The following PTGFRN variants were observed in gnomAD, a reference collection of about 807,000 sequenced individuals.
The protein encoded by PTGFRN is prostaglandin F2 receptor negative regulator.
PTGFRN carries 35 observed loss-of-function variants against 83.2 expected under a neutral mutation model. That is an observed-to-expected ratio of 0.42 (90% CI 0.32 to 0.56). PTGFRN has a LOEUF of 0.56. Among genes scored for constraint, PTGFRN ranks in the 20% least tolerant of loss-of-function variants. The probability of loss-of-function intolerance (pLI) is 0.11; values close to 1 mark genes in which losing one functional copy is unlikely to be tolerated. For missense variants in PTGFRN, 1,051 were observed against 1,179.5 expected (o/e 0.89, Z 1.60); for synonymous variants, 519 against 498.6 (o/e 1.04, Z -0.55).
At chr1:116,955,315 G>A (rs1278939919) in intron 4 of PTGFRN, among the ~76,000 whole-genome samples, 1 of 152,168 alleles carries the variant, frequency 6.6e-6, no homozygotes, top group African/African-American at 2.4e-5. Context: ...CTGTGAGAGG[G>A]CTTACAGTGT....
At chr1:116,982,787 C>T (rs1651356352) in intron 7 of PTGFRN, among the ~76,000 whole-genome samples, 1 of 152,202 alleles carries the variant, frequency 6.6e-6, no homozygotes, top group African/African-American at 2.4e-5. Context: ...AGTCATTGTC[C>T]ACAGGCTGAG....
Position 116,967,282 on chromosome 1 carries a change from G to A in PTGFRN, c.2011G>A (p.Ala671Thr). 6.2e-7 allele frequency: 1 copy of A among 1,614,222 alleles called. No homozygotes were observed. The highest frequency in any genetic ancestry group is 8.5e-7 in the Non-Finnish European group (1 of 1,180,020). Residue 671 changes from alanine (A) to threonine (T), a missense_variant, in exon 6 of 9, where the codon GCA becomes ACA. Coordinates refer to ENST00000393203, the MANE Select transcript of PTGFRN (RefSeq NM_020440.4). ...SPVRGSLWRE[A>T]ATSLSNPIEI... ...TGTCAGGGGCAGCCTTTGGCGAGAA[G>A]CAGCAACCAGTCTCTCCAATCCTAT...
rs761027287 is a variant in PTGFRN at position 116,944,967 on chromosome 1, G to T, written c.707G>T (p.Arg236Leu). Reference protein sequence around the residue: ...GSDAYRLSVSRALSADQGSYR... With the variant: ...GSDAYRLSVSLALSADQGSYR... ...GACGCCTACCGCCTCTCAGTGTCCCGGGCTCTGTCTGCCGACCAGGGCTCC... is the reference window on the plus strand; with the variant it reads ...GACGCCTACCGCCTCTCAGTGTCCCTGGCTCTGTCTGCCGACCAGGGCTCC... Residue 236 changes from arginine (R) to leucine (L), a missense_variant, in exon 3 of 9, where the codon CGG becomes CTG. Arg to Leu is a moderately radical substitution (Grantham distance 102). This residue lies in a region of PTGFRN where 205 missense variants were observed against 174.5 expected (regional missense o/e 1.17). Transcript: ENST00000393203. 2 of 1,613,554 alleles carry T rather than the reference G, an allele frequency of 1.2e-6. No individual in the cohort carries two copies. Among genetic ancestry groups the T allele is most frequent in the African/African-American group, 1.3e-5 (1 of 74,920 alleles).
Position 116,910,269 on chromosome 1 carries a change from C to A in PTGFRN, c.49+17C>A. On this transcript the variant is annotated intron_variant, in intron 1 of 8. Coordinates refer to ENST00000393203, the MANE Select transcript of PTGFRN (RefSeq NM_020440.4). The stretch of plus-strand genomic sequence containing the variant: ...TGTCGTTGGGTGAGTGTGCGCGGGG[C>A]TCAGCGGGGCACACGGGGACTGGCG... 7.1e-7 allele frequency: 1 copy of A among 1,409,706 alleles called. No individual in the cohort carries two copies. The allele number at this position is 1,409,706 out of a possible 1,614,324, so 87.3% of individuals were successfully genotyped here. A position where few individuals can be genotyped will look rare whatever the true frequency, so the allele number is the denominator to read the frequency against.
At chr1:116,938,189 G>C (rs1372709262) in intron 1 of PTGFRN, among the ~76,000 whole-genome samples, 1 of 152,192 alleles carries the variant, frequency 6.6e-6, no homozygotes, top group Admixed American at 6.5e-5. Flanking sequence ...TGAGTTGCCA[G>C]TGACAGAAAT....
chr1:116,949,297 T>G lies in PTGFRN; in HGVS notation c.938T>G (p.Val313Gly). Residue 313 changes from valine (V) to glycine (G), a missense_variant, in exon 4 of 9, where the codon GTG (valine) becomes GGG (glycine). Transcript: ENST00000393203. Reference protein sequence around the residue: ...TDRADDVRPEVTWSFSRMPDS... With the variant: ...TDRADDVRPEGTWSFSRMPDS... ...CGAGCCGATGACGTCCGGCCCGAGG[T>G]GACGTGGTCCTTCAGCAGGATGCCT... 1 of 1,614,252 alleles carries G rather than the reference T, an allele frequency of 6.2e-7. No individual in the cohort carries two copies. The highest frequency in any genetic ancestry group is 8.5e-7 in the Non-Finnish European group (1 of 1,180,044).
At chr1:116,966,887 C>T in intron 5 of PTGFRN, 24 bp from the exon 6 acceptor site, 1 of 1,556,534 alleles carries the variant, frequency 6.4e-7, no homozygotes, top group Non-Finnish European at 8.7e-7. Context: ...TTGGAAATCA[C>T]ATCCTTCTGG....
intron 7 of PTGFRN, among the ~76,000 whole-genome samples, chr1:116,978,435 A>G (rs934671743): frequency 1.3e-5 from 2 of 152,156 alleles, no homozygotes; most frequent in Non-Finnish European, 2.9e-5. Context: ...AGAATTTTAG[A>G]CCAATATCCC....
At chr1:116,921,092 A>G (rs945201365) in intron 1 of PTGFRN, among the ~76,000 whole-genome samples, 10 of 152,204 alleles carry the variant, frequency 6.6e-5, no homozygotes, top group Middle Eastern at 3.2e-3. Context: ...TAGAAAGTCT[A>G]TGTGTTATAG....
At position 116,935,735 on chromosome 1, in the gene PTGFRN, G is replaced by A. The variant is rs111818758; in HGVS notation, c.50-5980G>A. ...ACTCTGAGGCTGTGGTAACTGCCCC[G>A]AGAGGTAAGAGAAACCTGTGTAGTT... is the stretch of plus-strand genomic sequence containing the variant. On this transcript the variant is annotated intron_variant, in intron 1 of 8. Transcript: ENST00000393203. Among the ~76,000 whole-genome samples the A allele has an allele frequency of 5.2e-3, 784 of 152,186 alleles. 6 individuals are homozygous for A. Among genetic ancestry groups the A allele is most frequent in the African/African-American group, 0.017 (725 of 41,518 alleles).
intron 7 of PTGFRN, among the ~76,000 whole-genome samples, chr1:116,977,687 C>G (rs971690377): frequency 6.6e-6 from 1 of 152,136 alleles, no homozygotes; most frequent in Non-Finnish European, 1.5e-5. Context: ...AACAAAGACA[C>G]AACATACCAG....
chr1:116,941,855 G>C lies in PTGFRN; in HGVS notation c.190G>C (p.Gly64Arg). Residue 64 changes from glycine to arginine, a missense_variant, in exon 2 of 9, where the codon GGG (glycine) becomes CGG (arginine). This residue lies in a region of PTGFRN where 127 missense variants were observed against 168.4 expected (regional missense o/e 0.75). Transcript: ENST00000393203. This position sits in a 1 kb window ranked among gnomAD's most constrained non-coding sequence, Gnocchi z 5.0. ...CTTTGACTGGAGCTTCTCATCTTTG[G>C]GGAGCAGCTTTGTGGAGCTTGCAAG... ...QNFDWSFSSL[G>R]SSFVELASTW... The C allele has an allele frequency of 6.2e-7, 1 of 1,614,158 alleles. No individual in the cohort carries two copies. The highest frequency in any genetic ancestry group is 8.5e-7 in the Non-Finnish European group (1 of 1,180,010).
Position 116,961,434 on chromosome 1 carries a change from G to A in PTGFRN, c.1405G>A (p.Gly469Arg), listed in dbSNP as rs140632746. ...VTSELLAVMD[G>R]DWTLKYGERS... Reference sequence around the variant, plus strand: ...CAGCGAGCTGCTTGCAGTCATGGACGGGGACTGGACGCTAAAATATGGAGA... The same window carrying A: ...CAGCGAGCTGCTTGCAGTCATGGACAGGGACTGGACGCTAAAATATGGAGA... Residue 469 changes from glycine (G) to arginine (R), a missense_variant, in exon 5 of 9, where the codon GGG becomes AGG. Gly to Arg is a moderately radical substitution (Grantham distance 125). Coordinates refer to ENST00000393203, the MANE Select transcript of PTGFRN (RefSeq NM_020440.4). The surrounding 1 kb of genome is among the most constrained non-coding windows in gnomAD (Gnocchi z 5.4). The A allele has an allele frequency of 3.5e-5, 56 of 1,614,052 alleles. No individual in the cohort carries two copies. In the African/African-American group the frequency reaches 5.5e-4, roughly 16 times the overall value.
Position 116,967,297 on chromosome 1 carries a change from T to G in PTGFRN, c.2026T>G (p.Ser676Ala). ...TTGGCGAGAAGCAGCAACCAGTCTC[T>G]CCAATCCTATTGAGATAGACTTCCA... is the stretch of plus-strand genomic sequence containing the variant. ...SLWREAATSL[S>A]NPIEIDFQTS... is the part of the protein sequence containing the mutation. Residue 676 changes from serine (S) to alanine (A), a missense_variant, in exon 6 of 9, where the codon TCC becomes GCC. Physicochemically the swap from Ser to Ala is moderately conservative, Grantham distance 99. Transcript: ENST00000393203. The G allele has an allele frequency of 1.2e-6, 2 of 1,613,790 alleles. No homozygotes were observed. Among genetic ancestry groups the G allele is most frequent in the Non-Finnish European group, 8.5e-7 (1 of 1,179,690 alleles).
chr1:116,932,722 C>T (rs1649829450), intron 1 of PTGFRN, among the ~76,000 whole-genome samples: 1 of 152,008 alleles, frequency 6.6e-6, no homozygotes, highest in South Asian at 2.1e-4. Flanking sequence ...GTTCCATTGC[C>T]CATGGAGAAT....
At chr1:116,931,942 G>C (rs984015233) in intron 1 of PTGFRN, among the ~76,000 whole-genome samples, 1 of 152,128 alleles carries the variant, frequency 6.6e-6, no homozygotes, top group African/African-American at 2.4e-5. Flanking sequence ...TTTAGTTTCA[G>C]CATTTCAACT....
chr1:116,921,441 C>T (rs188909670), intron 1 of PTGFRN, among the ~76,000 whole-genome samples: 1 of 152,218 alleles, frequency 6.6e-6, no homozygotes, highest in Admixed American at 6.5e-5. Context: ...TACAGTCCAT[C>T]ATCTTTGATT....
chr1:116,983,894 G>C (rs1651389997), intron 7 of PTGFRN, among the ~76,000 whole-genome samples: 1 of 152,192 alleles, frequency 6.6e-6, no homozygotes, highest in African/African-American at 2.4e-5. Flanking sequence ...CAAGGGAAGA[G>C]GTCAAGGGCT....
chr1:116,949,513 G>C lies in PTGFRN; in HGVS notation c.1154G>C (p.Ser385Thr). 13 of 1,614,198 alleles carry C rather than the reference G, an allele frequency of 8.1e-6. No individual in the cohort carries two copies. The highest frequency in any genetic ancestry group is 1.1e-5 in the Non-Finnish European group (13 of 1,180,052). The change falls in exon 4 of 9, where the codon AGC (serine) becomes ACC (threonine). Residue 385 changes from serine to threonine, a missense_variant. Transcript: ENST00000393203. ...CTGTGGGCACCCGGACACAACAGGA[G>C]CTGGCACAAAGTGGCAGAGGCCGTG... ...VSLWAPGHNR[S>T]WHKVAEAVSS...
Sources: gnomAD v4.1 joint callset for allele counts (sites outside exome capture counted in the v4.1 genomes callset) on GRCh38, gnomAD v4.1.1 for gene constraint, gnomAD v4.1.1 regional missense constraint, Gnocchi (gnomAD v3.1) non-coding constraint, MANE v1.5 for transcripts, NCBI Gene and HGNC (gene_info 2026-07-23, HGNC 2026-07-21) for gene names.